The following CIT variants were observed in gnomAD, a reference collection of about 807,000 sequenced individuals.
CIT encodes citron rho-interacting serine/threonine kinase, also known as citron Rho-interacting kinase.
In CIT, 79 loss-of-function variants were observed where a neutral mutation model predicts 272.7. The observed-to-expected ratio is 0.29, with a 90% confidence interval of 0.24 to 0.35. The LOEUF is 0.35. Among genes scored for constraint, CIT ranks in the 10% least tolerant of loss-of-function variants. The pLI is 1.00. For missense variants in CIT, 1,909 were observed against 2,618.3 expected (o/e 0.73, Z 5.91); for synonymous variants, 948 against 995.6 (o/e 0.95, Z 0.90).
chr12:119,800,394 T>C (rs1308283912), intron 10 of CIT, among the ~76,000 whole-genome samples: 1 of 152,212 alleles, frequency 6.6e-6, no homozygotes, highest in African/African-American at 2.4e-5. Context: ...AGATTCTTGC[T>C]CAGCCTAAAA....
At chr12:119,779,275 T>C (rs557059499) in intron 13 of CIT, among the ~76,000 whole-genome samples, 9 of 152,224 alleles carry the variant, frequency 5.9e-5, no homozygotes, top group Non-Finnish European at 1.3e-4. Flanking sequence ...GTATGTGAAA[T>C]GGAATATCGG....
intron 9 of CIT, among the ~76,000 whole-genome samples, chr12:119,810,112 C>A (rs1966813846): frequency 1.3e-5 from 2 of 152,294 alleles, no homozygotes; most frequent in South Asian, 4.1e-4. Flanking sequence ...GCTGCAGGAA[C>A]CCCAATTTGA....
chr12:119,696,104 T>C (rs1218356652), intron 46 of CIT, among the ~76,000 whole-genome samples: 1 of 152,188 alleles, frequency 6.6e-6, no homozygotes, highest in Non-Finnish European at 1.5e-5. Context: ...AATTGGTTCC[T>C]TCCCAGGTGG....
chr12:119,825,705 T>C (rs887119081), intron 7 of CIT, among the ~76,000 whole-genome samples: 5 of 152,246 alleles, frequency 3.3e-5, no homozygotes, highest in Non-Finnish European at 5.9e-5. Context: ...GGAACTTCTC[T>C]TATGATAACA....
At chr12:119,764,160 G>C (rs372134440) in intron 19 of CIT, among the ~76,000 whole-genome samples, 12 of 152,128 alleles carry the variant, frequency 7.9e-5, no homozygotes, top group Non-Finnish European at 1.6e-4. Context: ...TTCATCCAAG[G>C]CCTCAAAGAA....
chr12:119,755,556 G>A (rs1960846378), intron 22 of CIT, among the ~76,000 whole-genome samples: 1 of 152,152 alleles, frequency 6.6e-6, no homozygotes, highest in Non-Finnish European at 1.5e-5. Flanking sequence ...CCCAGCCTGG[G>A]TGTTCAGCTT....
At chr12:119,795,196 A>G (rs1965629018) in intron 10 of CIT, among the ~76,000 whole-genome samples, 1 of 152,192 alleles carries the variant, frequency 6.6e-6, no homozygotes, top group Non-Finnish European at 1.5e-5. Context: ...GGCCTGGCCA[A>G]CATGGTGAAA....
At position 119,784,322 on chromosome 12, in the gene CIT, T is replaced by C. The variant is rs943259769; in HGVS notation, c.1402-271A>G. ...CCAGTTAGCAAGGAAGCCACAATCA[T>C]CATTTTTCACCTGTTTGCTTTTGTT... On this transcript the variant is annotated intron_variant, in intron 11 of 47. Transcript: ENST00000392521. This position sits in a 1 kb window ranked among gnomAD's most constrained non-coding sequence, Gnocchi z 4.7. 6.5e-5 allele frequency: 95 copies of C among 1,460,246 alleles called. No homozygotes were observed. In the Admixed American group the frequency reaches 1.9e-3, roughly 29 times the overall value. 90.5% of individuals were successfully genotyped at this position (1,460,246 alleles called of 1,614,324 possible).
intron 3 of CIT, among the ~76,000 whole-genome samples, chr12:119,861,288 GA>G (rs890035901): frequency 2.6e-5 from 4 of 151,162 alleles, no homozygotes; most frequent in Admixed American, 2.6e-4. Flanking sequence ...AAAACACTGT[GA>G]AAATGCAGTC....
At chr12:119,700,569 A>C in intron 44 of CIT, 176 bp downstream of exon 44, 1 of 566,204 alleles carries the variant, frequency 1.8e-6, no homozygotes. Context: ...TTTTAGTAGA[A>C]ATGGGGTTTC....
Position 119,804,710 on chromosome 12 carries a change from G to A in CIT, c.1112-1321C>T, listed in dbSNP as rs549263502. Among the ~76,000 whole-genome samples, 1 of 152,308 alleles carries A rather than the reference G, an allele frequency of 6.6e-6. No homozygotes were observed. The highest frequency in any genetic ancestry group is 1.9e-4 in the East Asian group (1 of 5,188). On this transcript the variant is annotated intron_variant, in intron 9 of 47. Transcript: ENST00000392521. The surrounding 1 kb of genome is among the most constrained non-coding windows in gnomAD (Gnocchi z 5.3). ...CCGATGACAACAACATCCAAGTGGC[G>A]CTGGGAAGTAATTGGAGCAGGAAAG... is the stretch of plus-strand genomic sequence containing the variant.
chr12:119,708,065 GTTTGTTA>G, intron 40 of CIT, 107 bp downstream of exon 40: 2 of 1,193,434 alleles, frequency 1.7e-6, no homozygotes, highest in East Asian at 5.6e-5. Context: ...GCCCCTCTCT[GTTTGTTA>G]TTTAAGTTGA....
chr12:119,838,245 G>A (rs974168362), intron 5 of CIT, among the ~76,000 whole-genome samples: 3 of 151,980 alleles, frequency 2.0e-5, no homozygotes, highest in Non-Finnish European at 4.4e-5. Flanking sequence ...GCTAATTTTT[G>A]TATTTTTAGT....
At chr12:119,841,581 G>A (rs1450483246) in intron 5 of CIT, among the ~76,000 whole-genome samples, 8 of 152,194 alleles carry the variant, frequency 5.3e-5, no homozygotes, top group African/African-American at 1.9e-4. Flanking sequence ...AGGCCACACA[G>A]CCGACAGTAA....
At chr12:119,771,577 G>A (rs934128391) in intron 17 of CIT, among the ~76,000 whole-genome samples, 3 of 152,138 alleles carry the variant, frequency 2.0e-5, no homozygotes, top group African/African-American at 7.2e-5. Context: ...CAGGCTCAGG[G>A]GTGCACCTGA....
intron 23 of CIT, among the ~76,000 whole-genome samples, chr12:119,751,776 T>TA (rs1239647475): frequency 1.3e-5 from 2 of 152,242 alleles, no homozygotes; most frequent in East Asian, 1.9e-4. Flanking sequence ...CTTTAAAATA[T>TA]AATGATGATT....
chr12:119,774,570 G>C (rs559756753), intron 16 of CIT, among the ~76,000 whole-genome samples: 2 of 152,144 alleles, frequency 1.3e-5, no homozygotes, highest in Admixed American at 1.3e-4. Context: ...GTGTGTGTGT[G>C]TGTGTGTGTG....
intron 9 of CIT, among the ~76,000 whole-genome samples, chr12:119,816,912 C>T (rs532677869): frequency 1.5e-4 from 23 of 152,250 alleles, no homozygotes; most frequent in African/African-American, 5.3e-4. Flanking sequence ...GAAAGCACAG[C>T]GATGCTGTTC....
intron 19 of CIT, among the ~76,000 whole-genome samples, chr12:119,765,976 T>C (rs890549011): frequency 6.6e-6 from 1 of 152,136 alleles, no homozygotes; most frequent in African/African-American, 2.4e-5. Flanking sequence ...TAGCTAAGAT[T>C]TGGAAATGAC....
Sources: allele counts gnomAD v4.1 joint callset (sites outside exome capture counted in the v4.1 genomes callset), GRCh38; gene constraint gnomAD v4.1.1; non-coding constraint Gnocchi (gnomAD v3.1); transcripts MANE v1.5; gene names NCBI Gene and HGNC (gene_info 2026-07-23, HGNC 2026-07-21).